The following SYNPO2 variants were observed in gnomAD, a reference collection of about 807,000 sequenced individuals.
The protein encoded by SYNPO2 is synaptopodin 2, also known as synaptopodin-2.
In SYNPO2, 56 loss-of-function variants were observed where a neutral mutation model predicts 85.0. That is an observed-to-expected ratio of 0.66 (90% CI 0.53 to 0.82). The LOEUF is 0.82. Ranked by LOEUF, SYNPO2 falls within the 40% of genes least tolerant of loss-of-function variation. The probability of loss-of-function intolerance (pLI) is 0.00; values close to 1 mark genes in which losing one functional copy is unlikely to be tolerated. For missense variants in SYNPO2, 1,575 were observed against 1,534.2 expected, an observed-to-expected ratio of 1.03 and a Z score of -0.44; for synonymous variants, 602 against 591.1, an observed-to-expected ratio of 1.02 and a Z score of -0.27.
intron 1 of SYNPO2, among the ~76,000 whole-genome samples, chr4:118,861,302 G>A (rs912191582): frequency 7.9e-5 from 12 of 152,040 alleles, no homozygotes; most frequent in Admixed American, 5.2e-4. Context: ...ACAGGCACCC[G>A]CCACCACACC....
At chr4:118,992,614 C>G (rs1225073505) in intron 1 of SYNPO2, among the ~76,000 whole-genome samples, 1 of 152,192 alleles carries the variant, frequency 6.6e-6, no homozygotes, top group African/African-American at 2.4e-5. Flanking sequence ...CTCCAAGGTC[C>G]TTGGTTCACA....
At chr4:118,881,437 C>T (rs1428834280) in intron 1 of SYNPO2, among the ~76,000 whole-genome samples, 1 of 152,190 alleles carries the variant, frequency 6.6e-6, no homozygotes, top group South Asian at 2.1e-4. Context: ...CTGCTGACAC[C>T]TTGATCTCAG....
intron 4 of SYNPO2, chr4:119,042,080 C>T (rs1295872576): frequency 1.1e-5 from 1 of 87,594 alleles, no homozygotes; most frequent in Admixed American, 1.4e-4. Context: ...CTTAGTGCCC[C>T]GTCTAAAAGG....
chr4:118,879,158 C>G (rs1578513824), intron 1 of SYNPO2, among the ~76,000 whole-genome samples: 3 of 152,182 alleles, frequency 2.0e-5, no homozygotes, highest in African/African-American at 7.2e-5. Context: ...ATCTGAACAT[C>G]TGAAGGAACA....
chr4:119,024,998 G>T (rs1368119853), intron 2 of SYNPO2, among the ~76,000 whole-genome samples: 1 of 152,124 alleles, frequency 6.6e-6, no homozygotes, highest in Non-Finnish European at 1.5e-5. Context: ...CTATAATTGT[G>T]ACACATAAAT....
intron 1 of SYNPO2, among the ~76,000 whole-genome samples, chr4:118,999,303 T>A (rs945252464): frequency 6.6e-6 from 1 of 151,970 alleles, no homozygotes; most frequent in Non-Finnish European, 1.5e-5. Flanking sequence ...CACGTGCCAC[T>A]GTGCCCAGCT....
At chr4:118,970,822 A>G (rs1206879571) in intron 1 of SYNPO2, among the ~76,000 whole-genome samples, 1 of 152,248 alleles carries the variant, frequency 6.6e-6, no homozygotes, top group Non-Finnish European at 1.5e-5. Flanking sequence ...GAAGAGGACT[A>G]GAACACGGTG....
intron 1 of SYNPO2, among the ~76,000 whole-genome samples, chr4:118,853,502 T>G (rs986753484): frequency 1.3e-5 from 2 of 148,870 alleles, no homozygotes; most frequent in Non-Finnish European, 3.0e-5. Context: ...AGTGTGAGAC[T>G]ATGGTTCAGA....
Position 119,058,064 on chromosome 4 carries a change from A to C in SYNPO2, c.*130A>C. ...GCTTGTTCTCATAAGTCATTTATCT[A>C]AGTTTGTGTTTCTGTGTGTGTGTGT... On this transcript the variant is annotated 3_prime_UTR_variant, in exon 5 of 5. Transcript: ENST00000307142. 1 of 972,380 alleles carries C rather than the reference A, an allele frequency of 1.0e-6. No homozygotes were observed. Among genetic ancestry groups the C allele is most frequent in the Non-Finnish European group, 1.5e-6 (1 of 680,956 alleles). The allele number at this position is 972,380 out of a possible 1,614,324, so 60.2% of individuals were successfully genotyped here.
intron 1 of SYNPO2, among the ~76,000 whole-genome samples, chr4:118,982,438 G>T (rs1013909516): frequency 4.6e-5 from 7 of 152,176 alleles, no homozygotes; most frequent in African/African-American, 1.7e-4. Flanking sequence ...TTGGCAGGGA[G>T]CTGCTCCTTT....
intron 1 of SYNPO2, among the ~76,000 whole-genome samples, chr4:118,856,257 A>G (rs1270854943): frequency 1.3e-5 from 2 of 152,214 alleles, no homozygotes; most frequent in African/African-American, 4.8e-5. Flanking sequence ...AGTTATTGTT[A>G]TCATCTAATA....
chr4:118,878,636 G>C (rs1185801534), intron 1 of SYNPO2, among the ~76,000 whole-genome samples: 3 of 151,894 alleles, frequency 2.0e-5, no homozygotes, highest in Non-Finnish European at 4.4e-5. Context: ...TCTAGCTAAA[G>C]GTTTATAAAC....
At chr4:118,941,350 T>C (rs1253511064) in intron 1 of SYNPO2, among the ~76,000 whole-genome samples, 1 of 152,176 alleles carries the variant, frequency 6.6e-6, no homozygotes, top group Non-Finnish European at 1.5e-5. Flanking sequence ...TTTTCCTACA[T>C]TGCTTCACTA....
chr4:119,008,049 C>T (rs1184262486), intron 1 of SYNPO2, among the ~76,000 whole-genome samples: 1 of 152,150 alleles, frequency 6.6e-6, no homozygotes, highest in Admixed American at 6.5e-5. Flanking sequence ...GCAGAGAGTG[C>T]AACAGCTTTC....
intron 4 of SYNPO2, among the ~76,000 whole-genome samples, chr4:119,047,827 C>G (rs1185174075): frequency 6.6e-6 from 1 of 152,208 alleles, no homozygotes; most frequent in Non-Finnish European, 1.5e-5. Flanking sequence ...CTGGGAGGGA[C>G]TCTAGGAGAT....
At chr4:118,978,903 A>T (rs1378250097) in intron 1 of SYNPO2, among the ~76,000 whole-genome samples, 1 of 151,880 alleles carries the variant, frequency 6.6e-6, no homozygotes, top group Admixed American at 6.6e-5. Context: ...TTATTGTTTT[A>T]TCCTATGTAG....
At chr4:119,034,052 T>C in intron 4 of SYNPO2, 1 of 985,396 alleles carries the variant, frequency 1.0e-6, no homozygotes, top group Non-Finnish European at 1.2e-6. Context: ...GGGAAACCAA[T>C]TAAGATTAAT....
At chr4:119,003,721 G>T (rs370203874) in intron 1 of SYNPO2, among the ~76,000 whole-genome samples, 8 of 152,174 alleles carry the variant, frequency 5.3e-5, no homozygotes, top group East Asian at 3.9e-4. Flanking sequence ...CTTTCCTTTA[G>T]ATTAGAACTG....
chr4:119,007,234 ATATATATATATG>A lies in SYNPO2; in HGVS notation c.106-16189_106-16178del, dbSNP rs1560971941. On this transcript the variant is annotated intron_variant, in intron 1 of 4. Coordinates refer to ENST00000307142, the MANE Select transcript of SYNPO2 (RefSeq NM_133477.3). Reference sequence around the variant, plus strand: ...AACAAAGGTATATATATATATATATATATATATATATGTATATACATATATATATATATATAT... The same window carrying A: ...AACAAAGGTATATATATATATATATATATATACATATATATATATATATAT... Among the ~76,000 whole-genome samples, 120 of 50,644 alleles carry A rather than the reference ATATATATATATG, an allele frequency of 2.4e-3. 3 individuals carry two copies. The highest frequency in any genetic ancestry group is 0.023 in the East Asian group (41 of 1,774). The allele number at this position is 50,644 out of a possible 152,430, so 33.2% of individuals were successfully genotyped here. A position where few individuals can be genotyped will look rare whatever the true frequency, so the allele number is the denominator to read the frequency against.
Sources: allele counts gnomAD v4.1 joint callset (sites outside exome capture counted in the v4.1 genomes callset), GRCh38; gene constraint gnomAD v4.1.1; transcripts MANE v1.5; gene names NCBI Gene and HGNC (gene_info 2026-07-23, HGNC 2026-07-21).